Variants in TTC39B observed in about 807,000 individuals in gnomAD.
TTC39B encodes the protein tetratricopeptide repeat domain 39B.
A neutral mutation model predicts 96.6 loss-of-function variants in TTC39B; 92 were observed. The ratio of observed to expected loss-of-function variants is 0.95; its 90% CI spans 0.80 to 1.13. The LOEUF is 1.13. Ranked by LOEUF, TTC39B falls within the 50% of genes most tolerant of loss-of-function variation. The pLI is 0.00. For missense variants in TTC39B, 955 were observed against 809.3 expected (o/e 1.18, Z -2.18); for synonymous variants, 367 against 299.4 (o/e 1.23, Z -2.33).
chr9:15,178,134 G>C (rs1818056905), intron 17 of TTC39B, among the ~76,000 whole-genome samples: 1 of 152,070 alleles, frequency 6.6e-6, no homozygotes, highest in South Asian at 2.1e-4. Context: ...CTCCCAGAGT[G>C]CTGGGATTAC....
intron 2 of TTC39B, among the ~76,000 whole-genome samples, chr9:15,240,735 C>T (rs191749749): frequency 1.3e-5 from 2 of 152,254 alleles, no homozygotes; most frequent in Non-Finnish European, 2.9e-5. Flanking sequence ...ATGAAGAAGT[C>T]AGAATACATC....
chr9:15,260,626 A>G lies in TTC39B; in HGVS notation c.275+7288T>C, dbSNP rs543166148. Among the ~76,000 whole-genome samples the G allele has an allele frequency of 3.0e-3, 248 of 83,478 alleles. 1 individual carries two copies. The African/African-American group carries it at 0.043, about 14-fold the overall frequency. 54.8% of individuals were successfully genotyped at this position (83,478 alleles called of 152,430 possible). ...AACTGATCTAACCTAATGAGGGGAA[A>G]AAAAAAATGGCCCTAAAAGCCTTAC... On this transcript the variant is annotated intron_variant, in intron 2 of 19. Coordinates refer to ENST00000512701, the Ensembl canonical transcript of TTC39B.
intron 1 of TTC39B, among the ~76,000 whole-genome samples, chr9:15,274,112 A>G (rs1823453816): frequency 6.6e-6 from 1 of 152,244 alleles, no homozygotes; most frequent in South Asian, 2.1e-4. Flanking sequence ...GAAATGCATA[A>G]ACTCAAGTCA....
chr9:15,214,235 T>G (rs1322717071), exon 4 of TTC39B: 1 of 1,613,572 alleles, frequency 6.2e-7, no homozygotes, highest in Admixed American at 1.7e-5. Flanking sequence ...GAGATCCACC[T>G]TGGTTGATGA....
chr9:15,215,513 C>A (rs1820464842), intron 3 of TTC39B, among the ~76,000 whole-genome samples: 1 of 151,434 alleles, frequency 6.6e-6, no homozygotes, highest in African/African-American at 2.4e-5. Context: ...GCCAAGATTG[C>A]ACCACTGTAC....
chr9:15,248,832 G>A (rs1822400021), intron 2 of TTC39B, among the ~76,000 whole-genome samples: 1 of 152,044 alleles, frequency 6.6e-6, no homozygotes, highest in East Asian at 1.9e-4. Flanking sequence ...TACCCTGCAG[G>A]AAGTCAACCA....
chr9:15,301,617 G>A (rs556890618), intron 1 of TTC39B, among the ~76,000 whole-genome samples: 40 of 152,088 alleles, frequency 2.6e-4, no homozygotes, highest in African/African-American at 6.3e-4. Flanking sequence ...TTGGATGGTC[G>A]TGGTGGTGCA....
chr9:15,252,508 C>T (rs1361576915), intron 2 of TTC39B, among the ~76,000 whole-genome samples: 6 of 152,056 alleles, frequency 3.9e-5, no homozygotes, highest in Admixed American at 3.3e-4. Context: ...ATTAGCCGGC[C>T]GTGGTGGCTT....
At chr9:15,282,538 G>C (rs927460011) in intron 1 of TTC39B, among the ~76,000 whole-genome samples, 1 of 152,150 alleles carries the variant, frequency 6.6e-6, no homozygotes, top group Admixed American at 6.5e-5. Context: ...GTCTTTAAAA[G>C]AATTTGGGAA....
chr9:15,210,969 T>C (rs774662062), intron 5 of TTC39B, among the ~76,000 whole-genome samples: 3 of 152,236 alleles, frequency 2.0e-5, no homozygotes, highest in African/African-American at 4.8e-5. Context: ...CTTGTGTGGC[T>C]TGGTTTGGCA....
chr9:15,177,868 T>A (rs1192322928), intron 17 of TTC39B, 54 bp from the exon 18 acceptor site: 90 of 817,962 alleles, frequency 1.1e-4, no homozygotes, highest in Non-Finnish European at 1.6e-4. Context: ...CTTTTTAAGA[T>A]CTTTTTTTTT....
chr9:15,307,037 T>C (rs1176011917), intron 1 of TTC39B, 47 bp downstream of exon 1: 3 of 1,594,950 alleles, frequency 1.9e-6, no homozygotes, highest in Non-Finnish European at 2.6e-6. Flanking sequence ...CCCGGACTCC[T>C]GTCCAGGGCT....
At chr9:15,178,424 T>C (rs1818076039) in intron 17 of TTC39B, among the ~76,000 whole-genome samples, 1 of 152,070 alleles carries the variant, frequency 6.6e-6, no homozygotes, top group African/African-American at 2.4e-5. Flanking sequence ...AAAAATTTTT[T>C]TAATTACTGG....
At chr9:15,233,174 T>C (rs1017530399) in intron 2 of TTC39B, among the ~76,000 whole-genome samples, 2 of 152,096 alleles carry the variant, frequency 1.3e-5, no homozygotes, top group Non-Finnish European at 1.5e-5. Flanking sequence ...CAGGACCTTT[T>C]CTAGCCCCAC....
Position 15,185,420 on chromosome 9 carries a change from C to G in TTC39B, c.1488-14G>C. The G allele has an allele frequency of 6.2e-7, 1 of 1,613,034 alleles. No individual in the cohort carries two copies. Among genetic ancestry groups the G allele is most frequent in the Non-Finnish European group, 8.5e-7 (1 of 1,179,384 alleles). On this transcript the variant is annotated splice_polypyrimidine_tract_variant and intron_variant, in intron 15 of 19. Coordinates refer to ENST00000512701, the Ensembl canonical transcript of TTC39B. ...CTGTCCACCTGTCTGTGAAGAACCCCAGCCCAGCCCCAGAGAAAGGTCATG... is the reference window on the plus strand; with the variant it reads ...CTGTCCACCTGTCTGTGAAGAACCCGAGCCCAGCCCCAGAGAAAGGTCATG...
At chr9:15,196,336 A>G (rs1275925160) in intron 8 of TTC39B, among the ~76,000 whole-genome samples, 1 of 152,240 alleles carries the variant, frequency 6.6e-6, no homozygotes, top group Non-Finnish European at 1.5e-5. Context: ...CCTCTAATGG[A>G]TCCAGGGAAA....
chr9:15,289,701 A>C (rs1824111994), intron 1 of TTC39B, among the ~76,000 whole-genome samples: 4 of 152,144 alleles, frequency 2.6e-5, no homozygotes, highest in African/African-American at 9.7e-5. Context: ...GTCCTACTTG[A>C]GACTTTGGAT....
chr9:15,282,437 A>G (rs971799028), intron 1 of TTC39B, among the ~76,000 whole-genome samples: 2 of 152,242 alleles, frequency 1.3e-5, no homozygotes, highest in Admixed American at 1.3e-4. Context: ...GGGTGCATAC[A>G]TTTATAAAAC....
At chr9:15,185,134 T>A in intron 16 of TTC39B, 146 bp downstream of exon 16, 1 of 1,024,310 alleles carries the variant, frequency 9.8e-7, no homozygotes. Context: ...ATTTATTAAT[T>A]ATTTATTTAG....
Sources: gnomAD v4.1 joint callset for allele counts (sites outside exome capture counted in the v4.1 genomes callset) on GRCh38, gnomAD v4.1.1 for gene constraint, MANE v1.5 for transcripts, NCBI Gene and HGNC (gene_info 2026-07-23, HGNC 2026-07-21) for gene names.